The following PTPRK variants were observed in gnomAD, a reference collection of about 807,000 sequenced individuals.
The protein encoded by PTPRK is receptor-type tyrosine-protein phosphatase kappa.
Under a neutral mutation model 178.0 loss-of-function variants are expected in PTPRK, and 75 were observed. The ratio of observed to expected loss-of-function variants is 0.42; its 90% confidence interval spans 0.35 to 0.51. The LOEUF is 0.51. Among genes scored for constraint, PTPRK ranks in the 20% least tolerant of loss-of-function variants. The pLI is 0.02. For missense variants in PTPRK, 1,441 were observed against 1,797.8 expected (o/e 0.80, Z 3.59); for synonymous variants, 637 against 620.6 (o/e 1.03, Z -0.39).
chr6:128,509,160 G>T (rs1169253118), intron 1 of PTPRK, among the ~76,000 whole-genome samples: 1 of 152,018 alleles, frequency 6.6e-6, no homozygotes, highest in Non-Finnish European at 1.5e-5. Flanking sequence ...TTATCAGATT[G>T]AAACAACATG....
intron 13 of PTPRK, chr6:128,062,861 T>TA (rs1562515190): frequency 6.6e-6 from 1 of 151,496 alleles, no homozygotes. Context: ...TTTTTTTTTT[T>TA]AAATTTTCAG....
chr6:128,007,716 G>A (rs1583617613), intron 14 of PTPRK, among the ~76,000 whole-genome samples: 1 of 150,974 alleles, frequency 6.6e-6, no homozygotes, highest in East Asian at 1.9e-4. Context: ...CTAGCTGAAT[G>A]AGGATATAAT....
intron 1 of PTPRK, among the ~76,000 whole-genome samples, chr6:128,431,507 A>C (rs1432603835): frequency 1.3e-5 from 2 of 152,228 alleles, no homozygotes; most frequent in African/African-American, 4.8e-5. Context: ...AATTTAAAAA[A>C]AAATATGGTT....
chr6:128,061,936 A>G (rs1780909909), intron 13 of PTPRK: 1 of 152,218 alleles, frequency 6.6e-6, no homozygotes, highest in Non-Finnish European at 1.5e-5. Flanking sequence ...TTAAATGTAC[A>G]GTTGGACAGA....
intron 5 of PTPRK, among the ~76,000 whole-genome samples, chr6:128,228,659 CAAA>C (rs67092827): frequency 3.6e-5 from 4 of 111,668 alleles, no homozygotes; most frequent in Admixed American, 9.0e-5. Flanking sequence ...GACTCCATCT[CAAA>C]AAAAAAAAAA....
At chr6:128,171,573 T>C (rs1178909727) in intron 7 of PTPRK, among the ~76,000 whole-genome samples, 4 of 151,990 alleles carry the variant, frequency 2.6e-5, no homozygotes, top group Non-Finnish European at 5.9e-5. Context: ...AAAACCACGA[T>C]ATAACAAATG....
chr6:128,419,747 G>A (rs1323594254), intron 1 of PTPRK, among the ~76,000 whole-genome samples: 1 of 152,198 alleles, frequency 6.6e-6, no homozygotes, highest in East Asian at 1.9e-4. Context: ...CCAGTGTTGT[G>A]GAGCCAGGGC....
intron 8 of PTPRK, among the ~76,000 whole-genome samples, chr6:128,086,370 A>G (rs1380950557): frequency 6.6e-6 from 1 of 152,130 alleles, no homozygotes; most frequent in African/African-American, 2.4e-5. Flanking sequence ...GATTTTTTGA[A>G]TGCTGGAATA....
intron 7 of PTPRK, among the ~76,000 whole-genome samples, chr6:128,138,380 C>T (rs1444827972): frequency 1.3e-5 from 2 of 152,058 alleles, no homozygotes; most frequent in Non-Finnish European, 2.9e-5. Context: ...AATAGATGTG[C>T]AACCTGGCTT....
intron 2 of PTPRK, among the ~76,000 whole-genome samples, chr6:128,330,874 AAAAAC>A (rs1230148766): frequency 6.9e-6 from 1 of 145,958 alleles, no homozygotes; most frequent in Non-Finnish European, 1.5e-5. Flanking sequence ...AAACAAAAAC[AAAAAC>A]AAAAACAAAA....
At chr6:127,983,820 G>GTAAA in intron 22 of PTPRK, among the ~76,000 whole-genome samples, 1 of 152,026 alleles carries the variant, frequency 6.6e-6, no homozygotes, top group South Asian at 2.1e-4. Context: ...TTCACCTCTT[G>GTAAA]TAAATACCAA....
At position 128,188,331 on chromosome 6, in the gene PTPRK, G is replaced by A. The variant is rs548021835; in HGVS notation, c.869-3606C>T. ...CCCATTCAGTTATTCCTATTATAATGTTATTTTACAAACACATGTGTCACT... is the reference window on the plus strand; with the variant it reads ...CCCATTCAGTTATTCCTATTATAATATTATTTTACAAACACATGTGTCACT... On this transcript the variant is annotated intron_variant, in intron 6 of 29. Coordinates refer to ENST00000368226, the MANE Select transcript of PTPRK (RefSeq NM_002844.4). 1.7e-3 allele frequency among the ~76,000 whole-genome samples: 260 copies of A among 152,066 alleles called. 1 individual carries two copies. Among genetic ancestry groups the A allele is most frequent in the African/African-American group, 6.0e-3 (247 of 41,450 alleles).
chr6:128,416,079 C>A (rs1842815788), intron 1 of PTPRK, among the ~76,000 whole-genome samples: 1 of 151,936 alleles, frequency 6.6e-6, no homozygotes, highest in African/African-American at 2.4e-5. Flanking sequence ...CTAAACAGGA[C>A]TACAGAAATA....
chr6:128,414,381 C>G (rs375110832), intron 1 of PTPRK, among the ~76,000 whole-genome samples: 3 of 152,172 alleles, frequency 2.0e-5, no homozygotes, highest in South Asian at 2.1e-4. Context: ...AGTTCTTTCC[C>G]TGTTGCACAC....
chr6:128,341,024 A>C (rs1831590542), intron 2 of PTPRK, among the ~76,000 whole-genome samples: 1 of 152,176 alleles, frequency 6.6e-6, no homozygotes, highest in African/African-American at 2.4e-5. Flanking sequence ...ATATGTACAA[A>C]ATCAGGAACT....
chr6:127,977,732 A>G (rs1053370342), intron 25 of PTPRK, among the ~76,000 whole-genome samples: 2 of 152,202 alleles, frequency 1.3e-5, no homozygotes, highest in Non-Finnish European at 2.9e-5. Flanking sequence ...TAACAGCAAT[A>G]TATTTCCTGT....
At chr6:128,198,621 A>T (rs976769847) in intron 6 of PTPRK, among the ~76,000 whole-genome samples, 1 of 152,198 alleles carries the variant, frequency 6.6e-6, no homozygotes. Flanking sequence ...TTAAAGTATA[A>T]TAATAAAAAT....
At chr6:128,322,667 A>ATATATATATATATATATAT in intron 2 of PTPRK, among the ~76,000 whole-genome samples, 1 of 143,798 alleles carries the variant, frequency 7.0e-6, no homozygotes, top group African/African-American at 2.7e-5. Context: ...CTTTTAATAT[A>ATATATATATATATATATAT]ATATATATAT....
intron 3 of PTPRK, among the ~76,000 whole-genome samples, chr6:128,262,424 C>T (rs1445222718): frequency 1.3e-5 from 2 of 151,998 alleles, no homozygotes; most frequent in East Asian, 3.9e-4. Flanking sequence ...AAATTTTTGG[C>T]CTTTTTGTTT....
Sources: gnomAD v4.1 joint callset for allele counts (sites outside exome capture counted in the v4.1 genomes callset) on GRCh38, gnomAD v4.1.1 for gene constraint, MANE v1.5 for transcripts, NCBI Gene and HGNC (gene_info 2026-07-23, HGNC 2026-07-21) for gene names.